Variants in TAF4 observed in about 807,000 individuals in gnomAD.
TAF4 encodes TATA-box binding protein associated factor 4, also known as transcription initiation factor TFIID subunit 4.
A neutral mutation model predicts 90.3 loss-of-function variants in TAF4; 9 were observed. That is an observed-to-expected ratio of 0.10 (90% CI 0.06 to 0.17). The LOEUF (loss-of-function observed/expected upper bound fraction) is 0.17, where lower values mean the gene tolerates loss of function less well. Ranked by LOEUF, TAF4 falls within the 10% of genes least tolerant of loss-of-function variation. TAF4 has a pLI of 1.00. For synonymous variants in TAF4, 818 were observed against 638.9 expected, an observed-to-expected ratio of 1.28 and a Z score of -4.23; for missense variants, 1,351 against 1,370.7, an observed-to-expected ratio of 0.99 and a Z score of 0.23.
intron 1 of TAF4, among the ~76,000 whole-genome samples, chr20:62,042,273 G>A (rs972988361): frequency 6.6e-6 from 1 of 152,136 alleles, no homozygotes; most frequent in Non-Finnish European, 1.5e-5. Flanking sequence ...GCTGCGGGAC[G>A]GCTGAACTCC....
chr20:62,030,516 C>T (rs1366479346), intron 1 of TAF4, among the ~76,000 whole-genome samples: 1 of 152,226 alleles, frequency 6.6e-6, no homozygotes, highest in Admixed American at 6.5e-5. Flanking sequence ...TCTTAACTGT[C>T]ACACCCCACT....
Position 61,975,964 on chromosome 20 carries a change from G to T in TAF4, c.*204C>A. The T allele has an allele frequency of 1.8e-6, 1 of 567,400 alleles. No individual in the cohort carries two copies. Among genetic ancestry groups the T allele is most frequent in the Non-Finnish European group, 3.1e-6 (1 of 325,394 alleles). 35.1% of individuals were successfully genotyped at this position (567,400 alleles called of 1,614,324 possible). A position where few individuals can be genotyped will look rare whatever the true frequency, so the allele number is the denominator to read the frequency against. ...AATCAAGATGAGTTAAGATTTAATT[G>T]TCCTTTAAGAGTATCCACAGGCCTT... On this transcript the variant is annotated 3_prime_UTR_variant, in exon 15 of 15. Coordinates refer to ENST00000252996, the MANE Select transcript of TAF4 (RefSeq NM_003185.4).
chr20:62,047,528 C>T (rs1035115050), intron 1 of TAF4, among the ~76,000 whole-genome samples: 1 of 152,162 alleles, frequency 6.6e-6, no homozygotes, highest in Non-Finnish European at 1.5e-5. Context: ...TCCCCACCCC[C>T]GCACAAGAAA....
chr20:62,015,945 C>A (rs866415055), intron 1 of TAF4, among the ~76,000 whole-genome samples: 1 of 152,178 alleles, frequency 6.6e-6, no homozygotes, highest in African/African-American at 2.4e-5. Flanking sequence ...CCCCAAAACG[C>A]CCCTTTCAAA....
chr20:62,047,134 A>G (rs1953612503), intron 1 of TAF4, among the ~76,000 whole-genome samples: 2 of 152,232 alleles, frequency 1.3e-5, no homozygotes, highest in South Asian at 2.1e-4. Context: ...CTCCAGCCAC[A>G]GTCATAAAGA....
At chr20:62,036,870 C>T (rs2055935439) in intron 1 of TAF4, among the ~76,000 whole-genome samples, 1 of 152,314 alleles carries the variant, frequency 6.6e-6, no homozygotes, top group South Asian at 2.1e-4. Flanking sequence ...ACTTTGGGGG[C>T]CCAGCCCTCA....
intron 14 of TAF4, among the ~76,000 whole-genome samples, chr20:61,989,181 C>T (rs1266689438): frequency 6.6e-6 from 1 of 152,088 alleles, no homozygotes; most frequent in Non-Finnish European, 1.5e-5. Flanking sequence ...ACCACACACT[C>T]CCCTACATGC....
At chr20:62,056,194 G>A (rs548679069) in intron 1 of TAF4, among the ~76,000 whole-genome samples, 5 of 152,134 alleles carry the variant, frequency 3.3e-5, no homozygotes, top group Non-Finnish European at 5.9e-5. Flanking sequence ...CTGAGATTGC[G>A]CCACTGCACT....
chr20:61,995,973 C>G (rs972510167), intron 14 of TAF4, among the ~76,000 whole-genome samples: 4 of 152,106 alleles, frequency 2.6e-5, no homozygotes, highest in African/African-American at 9.7e-5. Flanking sequence ...TTCAGAGAAC[C>G]TGAAACAGGC....
At position 62,039,635 on chromosome 20, in the gene TAF4, A is replaced by C. The variant is rs550235190; in HGVS notation, c.1360+24816T>G. On this transcript the variant is annotated intron_variant, in intron 1 of 14. Coordinates refer to ENST00000252996, the MANE Select transcript of TAF4 (RefSeq NM_003185.4). ...TTAAGAAGGCACAAAATGAATTCTTAAAATGATACATTGGGCTTCCTTAAA... is the reference window on the plus strand; with the variant it reads ...TTAAGAAGGCACAAAATGAATTCTTCAAATGATACATTGGGCTTCCTTAAA... Among the ~76,000 whole-genome samples, 6 of 152,384 alleles carry C rather than the reference A, an allele frequency of 3.9e-5. No individual in the cohort carries two copies. In the South Asian group the frequency reaches 1.2e-3, roughly 32 times the overall value.
At chr20:62,046,219 G>T (rs1202231948) in intron 1 of TAF4, among the ~76,000 whole-genome samples, 1 of 152,192 alleles carries the variant, frequency 6.6e-6, no homozygotes, top group East Asian at 1.9e-4. Flanking sequence ...ACTTGGTACG[G>T]CTTTACTGAA....
chr20:62,065,778 G>A lies in TAF4; in HGVS notation c.33C>T (p.Val11=). The change falls in exon 1 of 15, where the codon GTC becomes GTT. Residue 11 remains valine, a synonymous_variant. Transcript: ENST00000252996. MAAGSDLLDE[V]FFNSEVDEKV... is the part of the protein sequence containing the mutation. ...TCTCGTCCACCTCGCTGTTGAAGAA[G>A]ACCTCGTCCAGCAGATCCGAGCCCG... The A allele has an allele frequency of 7.5e-7, 1 of 1,335,328 alleles. No individual in the cohort carries two copies. Among genetic ancestry groups the A allele is most frequent in the Non-Finnish European group, 9.8e-7 (1 of 1,024,466 alleles). The allele number at this position is 1,335,328 out of a possible 1,614,324, so 82.7% of individuals were successfully genotyped here.
At chr20:61,983,111 A>C (rs535030459) in intron 14 of TAF4, among the ~76,000 whole-genome samples, 2 of 152,036 alleles carry the variant, frequency 1.3e-5, no homozygotes, top group African/African-American at 4.8e-5. Flanking sequence ...CCTGTCACCA[A>C]AAGGCAGAGG....
chr20:62,002,693 C>T (rs2055714594), intron 9 of TAF4, among the ~76,000 whole-genome samples: 1 of 152,230 alleles, frequency 6.6e-6, no homozygotes, highest in South Asian at 2.1e-4. Context: ...TAAGGTTTTA[C>T]TATGTTGTGC....
chr20:62,006,657 C>T lies in TAF4; in HGVS notation c.2076G>A (p.Ala692=), dbSNP rs1345302553. ...PPPPTSQATT[A]LTAVVLSSSV... ...AGCTACTCAGCACCACGGCCGTGAG[C>T]GCAGTGGTGGCCTGCGAGGTGGGCG... The change falls in exon 7 of 15, where the codon GCG becomes GCA. Residue 692 remains alanine (A), a synonymous_variant. Coordinates refer to ENST00000252996, the MANE Select transcript of TAF4 (RefSeq NM_003185.4). This position sits in a 1 kb window ranked among gnomAD's most constrained non-coding sequence, Gnocchi z 7.0. 27 of 1,598,750 alleles carry T rather than the reference C, an allele frequency of 1.7e-5. No homozygotes were observed. The highest frequency in any genetic ancestry group is 2.3e-5 in the East Asian group (1 of 44,096).
Position 61,997,594 on chromosome 20 carries a change from T to C in TAF4, c.3046A>G (p.Lys1016Glu), listed in dbSNP as rs770897615. 1 of 1,613,882 alleles carries C rather than the reference T, an allele frequency of 6.2e-7. No homozygotes were observed. Residue 1016 changes from lysine to glutamate, a missense_variant, in exon 14 of 15, where the codon AAA (lysine) becomes GAA (glutamate). Lys to Glu is a moderately conservative substitution (Grantham distance 56). Coordinates refer to ENST00000252996, the MANE Select transcript of TAF4 (RefSeq NM_003185.4). Reference protein sequence around the residue: ...LTALAAIGPRKKRKVDCPGPG... With the variant: ...LTALAAIGPREKRKVDCPGPG... ...CCCGGACAGTCCACTTTCCTCTTTT[T>C]CCTGGGCCCGATCGCTGCTAGTGCT... is the stretch of plus-strand genomic sequence containing the variant.
intron 14 of TAF4, among the ~76,000 whole-genome samples, chr20:61,985,497 T>C (rs1166634115): frequency 6.6e-6 from 1 of 152,020 alleles, no homozygotes; most frequent in East Asian, 1.9e-4. Flanking sequence ...AAATTTGAAA[T>C]GTACTATTTT....
At chr20:62,063,867 C>T (rs561994417) in intron 1 of TAF4, among the ~76,000 whole-genome samples, 9 of 152,354 alleles carry the variant, frequency 5.9e-5, no homozygotes, top group African/African-American at 1.9e-4. Context: ...GCAGAGGAGC[C>T]CAAGCCTTCC....
At chr20:62,030,525 C>A (rs190216930) in intron 1 of TAF4, among the ~76,000 whole-genome samples, 45 of 152,382 alleles carry the variant, frequency 3.0e-4, no homozygotes, top group African/African-American at 9.4e-4. Context: ...TCACACCCCA[C>A]TGCGGCCTGT....
Sources: gnomAD v4.1 joint callset for allele counts (sites outside exome capture counted in the v4.1 genomes callset) on GRCh38, gnomAD v4.1.1 for gene constraint, Gnocchi (gnomAD v3.1) non-coding constraint, MANE v1.5 for transcripts, NCBI Gene and HGNC (gene_info 2026-07-23, HGNC 2026-07-21) for gene names.